RUNX2: variants seen among roughly 807,000 people sequenced by gnomAD.
RUNX2 encodes the protein runt-related transcription factor 2.
In RUNX2, 10 loss-of-function variants were observed where a neutral mutation model predicts 51.7. That is an observed-to-expected ratio of 0.19 (90% CI 0.12 to 0.33). The LOEUF (loss-of-function observed/expected upper bound fraction) is 0.33. RUNX2 is among the 10% of genes least tolerant of loss of function. RUNX2 has a pLI of 1.00. For synonymous variants in RUNX2, 276 were observed against 273.6 expected (o/e 1.01, Z -0.09); for missense variants, 562 against 691.3 (o/e 0.81, Z 2.10).
intron 2 of RUNX2, among the ~76,000 whole-genome samples, chr6:45,361,116 G>T (rs1794178419): frequency 6.6e-6 from 1 of 151,860 alleles, no homozygotes; most frequent in African/African-American, 2.4e-5. Context: ...AAATACAAAG[G>T]TAATTTTTTA....
intron 1 of RUNX2, 22 bp from the exon 2 acceptor site, chr6:45,328,639 T>G (rs373512479): frequency 6.8e-6 from 11 of 1,610,346 alleles, no homozygotes; most frequent in Non-Finnish European, 9.3e-6. Context: ...AAACAAGGTT[T>G]GGGTATGGTT....
chr6:45,414,039 T>C (rs1798009980), intron 2 of RUNX2, among the ~76,000 whole-genome samples: 1 of 152,196 alleles, frequency 6.6e-6, no homozygotes, highest in Non-Finnish European at 1.5e-5. Context: ...AATATCAAAG[T>C]ATTAAATAAT....
In RUNX2 at chr6:45,518,418, A is replaced by G. The variant is rs147238008; in HGVS notation, c.1021+6011A>G. On this transcript the variant is annotated intron_variant, in intron 7 of 8. Coordinates refer to ENST00000647337, the MANE Select transcript of RUNX2 (RefSeq NM_001024630.4). ...AATAGCCTATCTTTTGACATAGCAG[A>G]TGGTGTTCTAATCTTACCTGGACCT... Among the ~76,000 whole-genome samples, 116 of 152,226 alleles carry G rather than the reference A, an allele frequency of 7.6e-4. 1 individual carries two copies. The highest frequency in any genetic ancestry group is 4.2e-3 in the South Asian group (20 of 4,814).
At chr6:45,543,201 C>G (rs1802285218) in intron 7 of RUNX2, among the ~76,000 whole-genome samples, 1 of 152,134 alleles carries the variant, frequency 6.6e-6, no homozygotes, top group South Asian at 2.1e-4. Context: ...CGATGATTAT[C>G]TTGGGCTTCT....
intron 2 of RUNX2, among the ~76,000 whole-genome samples, chr6:45,340,339 C>T (rs531998860): frequency 6.6e-6 from 1 of 152,106 alleles, no homozygotes; most frequent in East Asian, 1.9e-4. Flanking sequence ...CCCCTTCCCC[C>T]TCAAGACAAG....
intron 7 of RUNX2, among the ~76,000 whole-genome samples, chr6:45,521,878 T>C (rs1801518152): frequency 6.6e-6 from 1 of 152,196 alleles, no homozygotes; most frequent in African/African-American, 2.4e-5. Context: ...GTGGCCTTTG[T>C]TCTTTTGGTG....
At chr6:45,417,009 A>G (rs986488457) in intron 2 of RUNX2, among the ~76,000 whole-genome samples, 2 of 152,364 alleles carry the variant, frequency 1.3e-5, no homozygotes, top group African/African-American at 4.8e-5. Flanking sequence ...AGGTCCATTG[A>G]CAATGGGAAA....
At chr6:45,416,318 T>G (rs2150358972) in intron 2 of RUNX2, among the ~76,000 whole-genome samples, 1 of 152,334 alleles carries the variant, frequency 6.6e-6, no homozygotes, top group East Asian at 1.9e-4. Flanking sequence ...GAGAGTATTA[T>G]GATTTACATT....
At chr6:45,415,954 G>A (rs780318510) in intron 2 of RUNX2, among the ~76,000 whole-genome samples, 4 of 152,136 alleles carry the variant, frequency 2.6e-5, no homozygotes, top group African/African-American at 4.8e-5. Flanking sequence ...TGCCAATAAC[G>A]AAGATAATTC....
intron 5 of RUNX2, among the ~76,000 whole-genome samples, chr6:45,491,036 T>A (rs1419241358): frequency 6.6e-6 from 1 of 152,226 alleles, no homozygotes. Flanking sequence ...TTGTTAAGAA[T>A]GATTTGATGA....
intron 5 of RUNX2, among the ~76,000 whole-genome samples, chr6:45,459,372 G>A (rs761164084): frequency 2.0e-5 from 3 of 152,224 alleles, no homozygotes; most frequent in East Asian, 1.9e-4. Context: ...TTTTCTCTAC[G>A]TTGCTCACAT....
At chr6:45,468,191 T>A (rs1184036963) in intron 5 of RUNX2, among the ~76,000 whole-genome samples, 3 of 152,268 alleles carry the variant, frequency 2.0e-5, no homozygotes, top group African/African-American at 7.2e-5. Flanking sequence ...CAACACCTCC[T>A]TTTTGTAACG....
chr6:45,338,900 T>C (rs1453980127), intron 2 of RUNX2, among the ~76,000 whole-genome samples: 1 of 152,116 alleles, frequency 6.6e-6, no homozygotes, highest in Non-Finnish European at 1.5e-5. Context: ...CCTAGGCACT[T>C]TGCTTGCCTC....
At chr6:45,529,192 T>G (rs1582210870) in intron 7 of RUNX2, among the ~76,000 whole-genome samples, 1 of 152,220 alleles carries the variant, frequency 6.6e-6, no homozygotes, top group Admixed American at 6.5e-5. Flanking sequence ...CATTTCTCCA[T>G]GGACACAGCT....
At chr6:45,376,324 A>C (rs1796770068) in intron 2 of RUNX2, among the ~76,000 whole-genome samples, 1 of 152,218 alleles carries the variant, frequency 6.6e-6, no homozygotes, top group Admixed American at 6.5e-5. Flanking sequence ...TTTAAAACTC[A>C]ACCATATCAA....
intron 2 of RUNX2, among the ~76,000 whole-genome samples, chr6:45,348,512 CAA>C (rs754208599): frequency 9.1e-6 from 1 of 110,354 alleles, no homozygotes; most frequent in East Asian, 2.3e-4. Context: ...ACTAAAAATA[CAA>C]AAAAAAAAAA....
chr6:45,331,157 G>A (rs1301932225), intron 2 of RUNX2, among the ~76,000 whole-genome samples: 5 of 151,878 alleles, frequency 3.3e-5, no homozygotes, highest in Non-Finnish European at 7.4e-5. Flanking sequence ...TAGAGAAAGA[G>A]TATGTCTGTG....
At chr6:45,336,572 C>T (rs1788591818) in intron 2 of RUNX2, among the ~76,000 whole-genome samples, 1 of 151,268 alleles carries the variant, frequency 6.6e-6, no homozygotes, top group Non-Finnish European at 1.5e-5. Flanking sequence ...GCTTAAATTG[C>T]TAAATTATTT....
At chr6:45,544,077 TG>T (rs1252567131) in intron 7 of RUNX2, among the ~76,000 whole-genome samples, 1 of 151,920 alleles carries the variant, frequency 6.6e-6, no homozygotes, top group Non-Finnish European at 1.5e-5. Context: ...TTCTATTGTT[TG>T]TAAGTTGAAA....
Sources: gnomAD v4.1 joint callset for allele counts (sites outside exome capture counted in the v4.1 genomes callset) on GRCh38, gnomAD v4.1.1 for gene constraint, MANE v1.5 for transcripts, NCBI Gene and HGNC (gene_info 2026-07-23, HGNC 2026-07-21) for gene names.